Variants in SPAG16 observed in about 807,000 individuals in gnomAD.
SPAG16 encodes sperm associated antigen 16, also known as sperm-associated antigen 16 protein.
In SPAG16, 86 loss-of-function variants were observed where a neutral mutation model predicts 80.4. The observed-to-expected ratio is 1.07, with a 90% CI of 0.90 to 1.28. SPAG16 has a LOEUF of 1.28. SPAG16 is among the 50% of genes most tolerant of loss of function. The pLI is 0.00. For synonymous variants in SPAG16, 294 were observed against 265.9 expected (o/e 1.11, Z -1.03); for missense variants, 870 against 765.3 (o/e 1.14, Z -1.61).
chr2:213,377,494 G>C (rs1274850263), intron 9 of SPAG16, among the ~76,000 whole-genome samples: 3 of 152,132 alleles, frequency 2.0e-5, no homozygotes, highest in Non-Finnish European at 4.4e-5. Flanking sequence ...AATATGTCCA[G>C]CTTTATGTAA....
chr2:213,373,143 C>T (rs1374011617), intron 8 of SPAG16, among the ~76,000 whole-genome samples: 1 of 152,042 alleles, frequency 6.6e-6, no homozygotes, highest in African/African-American at 2.4e-5. Context: ...TAGATGACAG[C>T]CATGAGAAGC....
At chr2:213,683,917 A>G (rs77338387) in intron 10 of SPAG16, among the ~76,000 whole-genome samples, 1,978 of 152,340 alleles carry the variant, frequency 0.013, 19 homozygotes, top group South Asian at 0.036. Flanking sequence ...ATGGATTAAA[A>G]TATAGCTTGT....
At position 213,574,834 on chromosome 2, in the gene SPAG16, A is replaced by G. The variant is rs1346784444; in HGVS notation, c.1070+84744A>G. On this transcript the variant is annotated intron_variant, in intron 10 of 15. Coordinates refer to ENST00000331683, the MANE Select transcript of SPAG16 (RefSeq NM_024532.5). ...GTATCTATTTAACAGCTCTTTATAA[A>G]CACACATCTGTGTGTGTGTATAAAT... 1.1e-4 allele frequency among the ~76,000 whole-genome samples: 17 copies of G among 151,948 alleles called. No individual in the cohort carries two copies. In the East Asian group the frequency reaches 1.9e-3, roughly 17 times the overall value.
At chr2:214,305,455 T>C (rs975140037) in intron 15 of SPAG16, among the ~76,000 whole-genome samples, 1 of 152,220 alleles carries the variant, frequency 6.6e-6, no homozygotes, top group Admixed American at 6.5e-5. Flanking sequence ...CCTGTGCCTA[T>C]GTCCTTAATG....
chr2:213,470,452 T>C (rs979712541), intron 9 of SPAG16, among the ~76,000 whole-genome samples: 2 of 152,154 alleles, frequency 1.3e-5, no homozygotes, highest in Non-Finnish European at 2.9e-5. Flanking sequence ...GGAGTAAGTG[T>C]GTATTCCACT....
intron 12 of SPAG16, among the ~76,000 whole-genome samples, chr2:213,957,979 A>G (rs1399382561): frequency 6.6e-6 from 1 of 152,208 alleles, no homozygotes; most frequent in Non-Finnish European, 1.5e-5. Flanking sequence ...GACACAGAGG[A>G]GGCAGCACAA....
chr2:213,546,470 A>G (rs552210565), intron 10 of SPAG16, among the ~76,000 whole-genome samples: 71 of 152,338 alleles, frequency 4.7e-4, no homozygotes, highest in African/African-American at 1.7e-3. Flanking sequence ...AAAGAATTTC[A>G]TAATAGTTTC....
chr2:213,508,686 G>T (rs1164661075), intron 10 of SPAG16, among the ~76,000 whole-genome samples: 3 of 152,054 alleles, frequency 2.0e-5, no homozygotes, highest in Non-Finnish European at 2.9e-5. Context: ...CGAACACCAC[G>T]TGTTCTCACT....
intron 15 of SPAG16, among the ~76,000 whole-genome samples, chr2:214,169,534 C>T (rs1011413551): frequency 5.9e-5 from 9 of 151,944 alleles, no homozygotes; most frequent in Non-Finnish European, 1.3e-4. Context: ...AGAGATTAGC[C>T]CCATTGATAT....
chr2:214,070,908 A>G (rs538752224), intron 13 of SPAG16, among the ~76,000 whole-genome samples: 130 of 152,232 alleles, frequency 8.5e-4, no homozygotes, highest in African/African-American at 2.8e-3. Context: ...AATTCATAAT[A>G]TAAATTGGAA....
chr2:214,184,748 A>G (rs1423663867), intron 15 of SPAG16, among the ~76,000 whole-genome samples: 2 of 152,124 alleles, frequency 1.3e-5, no homozygotes, highest in African/African-American at 4.8e-5. Context: ...TTATAAGTAT[A>G]ATTATTGCCA....
chr2:214,019,562 A>G (rs2047755200), intron 13 of SPAG16, among the ~76,000 whole-genome samples: 2 of 152,170 alleles, frequency 1.3e-5, no homozygotes, highest in South Asian at 2.1e-4. Context: ...GCGAGTTTCT[A>G]TAAAGTGGAT....
intron 14 of SPAG16, among the ~76,000 whole-genome samples, chr2:214,122,073 C>A (rs534864570): frequency 1.7e-4 from 26 of 151,638 alleles, no homozygotes; most frequent in Admixed American, 6.6e-5. Flanking sequence ...TAATCACACA[C>A]AAATATGTAT....
At chr2:214,144,482 T>C (rs1342958082) in intron 14 of SPAG16, among the ~76,000 whole-genome samples, 1 of 152,138 alleles carries the variant, frequency 6.6e-6, no homozygotes, top group Non-Finnish European at 1.5e-5. Context: ...ATATAGTCAT[T>C]CTACAATTAT....
At chr2:214,177,342 G>T (rs1390403217) in intron 15 of SPAG16, among the ~76,000 whole-genome samples, 1 of 150,962 alleles carries the variant, frequency 6.6e-6, no homozygotes, top group East Asian at 1.9e-4. Context: ...CCCTTTAGAT[G>T]AATTGTCTTT....
chr2:213,723,534 T>C (rs1405719368), intron 10 of SPAG16, among the ~76,000 whole-genome samples: 25 of 152,186 alleles, frequency 1.6e-4, no homozygotes, highest in Non-Finnish European at 2.9e-5. Flanking sequence ...TTACCCAGTC[T>C]CAAATTTTAC....
At chr2:213,718,851 G>A (rs1297465330) in intron 10 of SPAG16, among the ~76,000 whole-genome samples, 1 of 152,130 alleles carries the variant, frequency 6.6e-6, no homozygotes, top group Non-Finnish European at 1.5e-5. Context: ...CAGTCCCATC[G>A]ACCACCCAAG....
At chr2:214,157,591 A>G (rs1457220076) in intron 15 of SPAG16, among the ~76,000 whole-genome samples, 1 of 152,120 alleles carries the variant, frequency 6.6e-6, no homozygotes, top group Non-Finnish European at 1.5e-5. Context: ...GTGCAGTTTT[A>G]TAACCATAAA....
intron 13 of SPAG16, among the ~76,000 whole-genome samples, chr2:214,050,938 A>C (rs934395270): frequency 6.6e-6 from 1 of 152,188 alleles, no homozygotes; most frequent in African/African-American, 2.4e-5. Flanking sequence ...TTACTCTCCA[A>C]CATTATCGTT....
Sources: allele counts gnomAD v4.1 joint callset (sites outside exome capture counted in the v4.1 genomes callset), GRCh38; gene constraint gnomAD v4.1.1; transcripts MANE v1.5; gene names NCBI Gene and HGNC (gene_info 2026-07-23, HGNC 2026-07-21).